Variants in PSMD1 observed in about 807,000 individuals in gnomAD.
The protein encoded by PSMD1 is proteasome 26S subunit, non-ATPase 1, also known as 26S proteasome non-ATPase regulatory subunit 1.
A neutral mutation model predicts 119.0 loss-of-function variants in PSMD1; 18 were observed. The observed-to-expected ratio is 0.15, with a 90% CI of 0.10 to 0.22. PSMD1 has a LOEUF of 0.22. Ranked by LOEUF, PSMD1 falls within the 10% of genes least tolerant of loss-of-function variation. The probability of loss-of-function intolerance (pLI) is 1.00; values close to 1 mark genes in which losing one functional copy is unlikely to be tolerated. For missense variants in PSMD1, 702 were observed against 1,158.5 expected (o/e 0.61, Z 5.72); for synonymous variants, 374 against 396.6 (o/e 0.94, Z 0.68).
At chr2:231,109,065 T>G (rs1398622468) in intron 16 of PSMD1, 1 of 1,614,244 alleles carries the variant, frequency 6.2e-7, no homozygotes, top group African/African-American at 1.3e-5. Flanking sequence ...CGCATAAGTG[T>G]TTCATCACCT....
chr2:231,096,396 T>A (rs1026629850), intron 16 of PSMD1, among the ~76,000 whole-genome samples: 1 of 152,182 alleles, frequency 6.6e-6, no homozygotes, highest in African/African-American at 2.4e-5. Context: ...CTACCCTTTT[T>A]AGGCACTTCT....
At position 231,165,986 on chromosome 2, in the gene PSMD1, C is replaced by T. The variant is rs780697471; in HGVS notation, c.2684C>T (p.Pro895Leu). Residue 895 changes from proline to leucine, a missense_variant, in exon 23 of 25, where the codon CCG becomes CTG. This residue lies in a region of PSMD1 where 152 missense variants were observed against 239.3 expected (regional missense o/e 0.64). Transcript: ENST00000308696. Reference protein sequence around the residue: ...MPAQLKVLTMPETCRYQPFKP... With the variant: ...MPAQLKVLTMLETCRYQPFKP... ...GCCCAGCTTAAGGTCCTAACCATGC[C>T]GGAGACCTGTAGATACCAGCCTTTC... 8 of 1,613,584 alleles carry T rather than the reference C, an allele frequency of 5.0e-6. No individual in the cohort carries two copies. Among genetic ancestry groups the T allele is most frequent in the Admixed American group, 3.3e-5 (2 of 59,964 alleles).
intron 1 of PSMD1, 93 bp from the exon 2 acceptor site, chr2:231,061,174 T>A: frequency 1.1e-6 from 1 of 926,696 alleles, no homozygotes; most frequent in Non-Finnish European, 1.7e-6. Context: ...TCAAAAAAAT[T>A]GTTTTTCAGC....
chr2:231,157,921 C>T (rs940582921), intron 19 of PSMD1, among the ~76,000 whole-genome samples: 6 of 152,034 alleles, frequency 3.9e-5, no homozygotes, highest in Non-Finnish European at 5.9e-5. Flanking sequence ...GAATTAATCT[C>T]ATGTCCTTTT....
intron 7 of PSMD1, among the ~76,000 whole-genome samples, 155 bp downstream of exon 7, chr2:231,072,570 T>C (rs1694067097): frequency 6.6e-6 from 1 of 152,184 alleles, no homozygotes. Flanking sequence ...CTCTGTTTTG[T>C]ACTGTGCTGG....
chr2:231,064,287 A>G (rs1693840592), intron 4 of PSMD1, among the ~76,000 whole-genome samples: 1 of 152,222 alleles, frequency 6.6e-6, no homozygotes, highest in African/African-American at 2.4e-5. Context: ...TAGCGTCTTA[A>G]TGAATATCGT....
At chr2:231,146,450 G>A (rs1206956439) in intron 18 of PSMD1, 94 bp downstream of exon 18, 2 of 854,176 alleles carry the variant, frequency 2.3e-6, no homozygotes, top group South Asian at 1.5e-5. Context: ...GTTCAAATAT[G>A]GTAAACACTG....
chr2:231,064,156 G>A (rs1693835892), intron 4 of PSMD1, among the ~76,000 whole-genome samples: 1 of 152,124 alleles, frequency 6.6e-6, no homozygotes, highest in Admixed American at 6.5e-5. Context: ...GACCAGTTCT[G>A]TTTGCATTTA....
intron 16 of PSMD1, among the ~76,000 whole-genome samples, chr2:231,102,621 T>A (rs577688516): frequency 1.3e-5 from 2 of 152,116 alleles, no homozygotes; most frequent in South Asian, 4.2e-4. Context: ...TGCAAGCGGA[T>A]CATCAGAAAG....
At chr2:231,082,531 C>T (rs1230266111) in intron 12 of PSMD1, among the ~76,000 whole-genome samples, 1 of 152,118 alleles carries the variant, frequency 6.6e-6, no homozygotes, top group Non-Finnish European at 1.5e-5. Context: ...ATGATGAAAC[C>T]CCATCTCTAC....
At chr2:231,092,171 G>C (rs1694613045) in intron 16 of PSMD1, among the ~76,000 whole-genome samples, 1 of 152,086 alleles carries the variant, frequency 6.6e-6, no homozygotes, top group African/African-American at 2.4e-5. Flanking sequence ...CCTGGGACGG[G>C]GCATGTTCTC....
chr2:231,143,914 C>G (rs1696190529), intron 17 of PSMD1, among the ~76,000 whole-genome samples: 2 of 152,074 alleles, frequency 1.3e-5, no homozygotes, highest in African/African-American at 4.8e-5. Flanking sequence ...GAAATCAATT[C>G]TAGTCTATGA....
At chr2:231,123,073 T>C (rs1695601337) in intron 16 of PSMD1, among the ~76,000 whole-genome samples, 1 of 152,194 alleles carries the variant, frequency 6.6e-6, no homozygotes, top group South Asian at 2.1e-4. Context: ...GGAAAAAAAG[T>C]ATCAGTGTAG....
At position 231,070,052 on chromosome 2, in the gene PSMD1, A is replaced by T; in HGVS notation, c.538A>T (p.Ser180Cys). 6.7e-7 allele frequency: 1 copy of T among 1,490,328 alleles called. No homozygotes were observed. Among genetic ancestry groups the T allele is most frequent in the South Asian group, 1.4e-5 (1 of 70,296 alleles). 92.3% of individuals were successfully genotyped at this position (1,490,328 alleles called of 1,614,324 possible). The change falls in exon 6 of 25, where the codon AGC becomes TGC. Residue 180 changes from serine to cysteine, a missense_variant. Coordinates refer to ENST00000308696, the MANE Select transcript of PSMD1 (RefSeq NM_002807.4). The part of the protein sequence containing the change: ...SNDVPGMLAY[S>C]LKLCMSLMQN... The stretch of plus-strand genomic sequence containing the variant: ...TGATGTCCCAGGAATGTTAGCTTAT[A>T]GCCTTAAGCTCTGCATGTCTTTAAT...
At chr2:231,128,264 A>G (rs766029879) in intron 16 of PSMD1, among the ~76,000 whole-genome samples, 90 of 152,350 alleles carry the variant, frequency 5.9e-4, no homozygotes, top group Middle Eastern at 6.8e-3. Flanking sequence ...TTCTGTCCTC[A>G]TGTAATTTAT....
intron 16 of PSMD1, among the ~76,000 whole-genome samples, chr2:231,102,496 A>G (rs6746156): frequency 0.46 from 69,968 of 152,022 alleles, 18,168 homozygotes; most frequent in African/African-American, 0.7. Context: ...ATTAACATAT[A>G]ATTTTTATGT....
chr2:231,072,407 G>T lies in PSMD1; in HGVS notation c.873G>T (p.Glu291Asp), dbSNP rs1480317143. 1.2e-6 allele frequency: 2 copies of T among 1,606,608 alleles called. No homozygotes were observed. Among genetic ancestry groups the T allele is most frequent in the African/African-American group, 2.7e-5 (2 of 74,718 alleles). Residue 291 changes from glutamate (E) to aspartate (D), a missense_variant, in exon 7 of 25, where the codon GAG becomes GAT. By Grantham distance (45) the Glu-to-Asp change is conservative. Around this residue, in one of 9 missense-constraint regions of PSMD1, gnomAD observed 69 missense variants for 71.6 expected, o/e 0.96. Coordinates refer to ENST00000308696, the MANE Select transcript of PSMD1 (RefSeq NM_002807.4). Reference protein sequence around the residue: ...STNTGTVPGSEKDSDSMETEE... With the variant: ...STNTGTVPGSDKDSDSMETEE... ...ATACGGGTACTGTTCCGGGATCAGA[G>T]AAAGACAGGTATAAGTACCTTTTTC...
chr2:231,163,819 A>G lies in PSMD1; in HGVS notation c.2481+92A>G. 4.5e-6 allele frequency: 4 copies of G among 889,960 alleles called. No individual in the cohort carries two copies. In the Admixed American group the frequency reaches 1.0e-4, roughly 23 times the overall value. 55.1% of individuals were successfully genotyped at this position (889,960 alleles called of 1,614,324 possible). On this transcript the variant is annotated intron_variant, in intron 21 of 24. Transcript: ENST00000308696. The stretch of plus-strand genomic sequence containing the variant: ...TTCTTTAACTATCTTTTATGTTTTA[A>G]AAGTAACACTTCTTATGCTAACATT...
chr2:231,138,306 G>C (rs1204295336), intron 16 of PSMD1, among the ~76,000 whole-genome samples: 1 of 152,136 alleles, frequency 6.6e-6, no homozygotes, highest in African/African-American at 2.4e-5. Context: ...AGTGATACTG[G>C]GGGATTTAAA....
Sources: allele counts gnomAD v4.1 joint callset (sites outside exome capture counted in the v4.1 genomes callset), GRCh38; gene constraint gnomAD v4.1.1; regional missense constraint gnomAD v4.1.1; transcripts MANE v1.5; gene names NCBI Gene and HGNC (gene_info 2026-07-23, HGNC 2026-07-21).